The following EYA3 variants were observed in gnomAD, a reference collection of about 807,000 sequenced individuals.
EYA3 encodes the protein protein phosphatase EYA3.
In EYA3, 39 loss-of-function variants were observed where a neutral mutation model predicts 80.0. That is an observed-to-expected ratio of 0.49 (90% CI 0.38 to 0.64). The LOEUF is 0.64. Among genes scored for constraint, EYA3 ranks in the 30% least tolerant of loss-of-function variants. The pLI, the probability that EYA3 is intolerant of heterozygous loss-of-function variation, is 0.00. For missense variants in EYA3, 523 were observed against 676.1 expected, an observed-to-expected ratio of 0.77 and a Z score of 2.51; for synonymous variants, 206 against 232.8, an observed-to-expected ratio of 0.88 and a Z score of 1.05.
At chr1:28,078,944 T>C (rs1255546875) in intron 1 of EYA3, among the ~76,000 whole-genome samples, 1 of 152,218 alleles carries the variant, frequency 6.6e-6, no homozygotes, top group Non-Finnish European at 1.5e-5. Context: ...TGGTGATATT[T>C]AAAAGCTGAC....
intron 3 of EYA3, among the ~76,000 whole-genome samples, chr1:28,043,451 C>G (rs1490984013): frequency 6.6e-6 from 1 of 152,008 alleles, no homozygotes; most frequent in Non-Finnish European, 1.5e-5. Flanking sequence ...TTACCTTGCT[C>G]CCAAAGTACC....
intron 7 of EYA3, among the ~76,000 whole-genome samples, chr1:28,022,883 A>C (rs1642536027): frequency 6.6e-6 from 1 of 152,078 alleles, no homozygotes; most frequent in Non-Finnish European, 1.5e-5. Context: ...CACTTGGCTA[A>C]TTTTTATATT....
At chr1:28,050,421 C>T (rs1032003770) in intron 2 of EYA3, among the ~76,000 whole-genome samples, 3 of 151,874 alleles carry the variant, frequency 2.0e-5, no homozygotes, top group African/African-American at 4.8e-5. Context: ...AGGATGGTTT[C>T]GAACTCCTGG....
rs6683680 is a variant in EYA3, at chr1:28,013,829, A to G, written c.586-535T>C. On this transcript the variant is annotated intron_variant, in intron 8 of 17. Coordinates refer to ENST00000373871, the MANE Select transcript of EYA3 (RefSeq NM_001990.4). The surrounding 1 kb of genome is among the most constrained non-coding windows in gnomAD (Gnocchi z 4.0). ...TGTAATCTCAGCACTTTGGAAGGCC[A>G]AGATGGGTGGATCACTTGAGGTCAG... 0.26 allele frequency among the ~76,000 whole-genome samples: 39,605 copies of G among 152,144 alleles called. 5,218 individuals are homozygous for G. The highest frequency in any genetic ancestry group is 0.28 in the Non-Finnish European group (19,037 of 67,978).
intron 7 of EYA3, among the ~76,000 whole-genome samples, chr1:28,027,523 G>A (rs1033467330): frequency 2.6e-5 from 4 of 152,046 alleles, no homozygotes; most frequent in South Asian, 2.1e-4. Flanking sequence ...AAATCAAGGC[G>A]TTTTCTGGAC....
chr1:28,070,140 A>G (rs1644971132), intron 1 of EYA3, among the ~76,000 whole-genome samples: 1 of 152,212 alleles, frequency 6.6e-6, no homozygotes, highest in South Asian at 2.1e-4. Flanking sequence ...AGAAACTAAT[A>G]CAAATAGCAA....
Position 28,011,011 on chromosome 1 carries a change from A to C in EYA3, c.845T>G (p.Met282Arg), listed in dbSNP as rs574158525. ...KDTDDQSRKNMTSKNRGKRKA... is the reference protein window; with the variant it reads ...KDTDDQSRKNRTSKNRGKRKA... The stretch of plus-strand genomic sequence containing the variant: ...CCTCTTGCCCCGGTTCTTGCTAGTC[A>C]TGTTTTTCCTGGACTGATCATCAGT... Residue 282 changes from methionine (M) to arginine (R), a missense_variant, in exon 10 of 18, where the codon ATG (methionine) becomes AGG (arginine). Met to Arg is a moderately conservative substitution (Grantham distance 91). Transcript: ENST00000373871. The C allele has an allele frequency of 6.2e-6, 10 of 1,614,104 alleles. No homozygotes were observed. Among genetic ancestry groups the C allele is most frequent in the Non-Finnish European group, 8.5e-6 (10 of 1,180,010 alleles).
At chr1:28,034,813 C>T (rs1464730476) in intron 6 of EYA3, among the ~76,000 whole-genome samples, 1 of 152,074 alleles carries the variant, frequency 6.6e-6, no homozygotes, top group Non-Finnish European at 1.5e-5. Flanking sequence ...TTACATATTA[C>T]ATATTTTTAA....
chr1:28,010,262 T>C (rs1445045228), intron 10 of EYA3, among the ~76,000 whole-genome samples: 1 of 152,236 alleles, frequency 6.6e-6, no homozygotes, highest in East Asian at 1.9e-4. Flanking sequence ...TGAAGTCAAA[T>C]GTATGTCCAT....
chr1:28,019,605 C>A lies in EYA3; in HGVS notation c.500-2366G>T, dbSNP rs1469820020. 1.3e-5 allele frequency among the ~76,000 whole-genome samples: 2 copies of A among 152,178 alleles called. 1 individual carries two copies. The highest frequency in any genetic ancestry group is 4.1e-4 in the South Asian group (2 of 4,830). On this transcript the variant is annotated intron_variant, in intron 7 of 17. Coordinates refer to ENST00000373871, the MANE Select transcript of EYA3 (RefSeq NM_001990.4). ...TGATTTAATCATTTATCTTCCCCAG[C>A]AAGTCCATTTTTAGTTCAGTTTTCT... is the stretch of plus-strand genomic sequence containing the variant.
intron 9 of EYA3, 37 bp from the exon 10 acceptor site, chr1:28,011,123 C>CA: frequency 6.3e-7 from 1 of 1,599,856 alleles, no homozygotes; most frequent in Non-Finnish European, 8.5e-7. Context: ...TGTCAGGAGT[C>CA]ACAGGCTATA....
intron 12 of EYA3, 74 bp downstream of exon 12, chr1:27,999,886 T>C (rs1640710393): frequency 8.8e-7 from 1 of 1,141,788 alleles, no homozygotes; most frequent in African/African-American, 1.6e-5. Context: ...TCTTCTAATA[T>C]AATAAGCAAA....
chr1:27,993,216 A>G (rs1640196258), intron 14 of EYA3, among the ~76,000 whole-genome samples, 184 bp downstream of exon 14: 1 of 152,184 alleles, frequency 6.6e-6, no homozygotes, highest in African/African-American at 2.4e-5. Context: ...GAAGCCCGTT[A>G]GAAATATAGA....
chr1:27,987,718 G>A (rs932133287), intron 16 of EYA3, among the ~76,000 whole-genome samples: 47 of 152,142 alleles, frequency 3.1e-4, no homozygotes, highest in African/African-American at 1.0e-3. Flanking sequence ...ACGGAGTCTC[G>A]CTCTGTCACC....
At chr1:28,058,277 T>C (rs1644501876) in intron 1 of EYA3, among the ~76,000 whole-genome samples, 183 bp from the exon 2 acceptor site, 1 of 152,172 alleles carries the variant, frequency 6.6e-6, no homozygotes, top group African/African-American at 2.4e-5. Context: ...AAGAGAGGTG[T>C]ACACAATGAC....
Position 28,000,049 on chromosome 1 carries a change from C to T in EYA3, c.994G>A (p.Asp332Asn). 6.3e-7 allele frequency: 1 copy of T among 1,595,898 alleles called. No individual in the cohort carries two copies. The highest frequency in any genetic ancestry group is 8.5e-7 in the Non-Finnish European group (1 of 1,171,976). The change falls in exon 12 of 18, where the codon GAC becomes AAC. Residue 332 changes from aspartate (D) to asparagine (N), a missense_variant and splice_region_variant. Around this residue, in one of 2 missense-constraint regions of EYA3, gnomAD observed 219 missense variants for 332.8 expected, o/e 0.66. Transcript: ENST00000373871. Reference sequence around the variant, plus strand: ...CCTGAGCCAATCACTACTGTTGGGTCCTAGAAGACAATAAGAAAAAATCAG... The same window carrying T: ...CCTGAGCCAATCACTACTGTTGGGTTCTAGAAGACAATAAGAAAAAATCAG... ...TGSYAQKYGKDPTVVIGSGLT... is the reference protein window; with the variant it reads ...TGSYAQKYGKNPTVVIGSGLT...
intron 7 of EYA3, among the ~76,000 whole-genome samples, chr1:28,026,965 A>G (rs1258725079): frequency 6.6e-6 from 1 of 152,160 alleles, no homozygotes; most frequent in African/African-American, 2.4e-5. Flanking sequence ...ACTTTTTTTC[A>G]TCACCAAAGT....
intron 14 of EYA3, chr1:27,990,048 C>G (rs1639940214): frequency 4.9e-6 from 1 of 203,826 alleles, no homozygotes; most frequent in African/African-American, 2.3e-5. Flanking sequence ...GTCAAAAGGG[C>G]AGGACCAACA....
rs1372261115 is a variant in EYA3, at chr1:27,993,517, T to C, written c.1186A>G (p.Ser396Gly). ...CCCACAGATGAACCATGGCTGCCAC[T>C]ACCTCCTGAGCCACTGAAACCATCT... Reference protein sequence around the residue: ...STDGFSGSGGSGSHGSSVGVQ... With the variant: ...STDGFSGSGGGGSHGSSVGVQ... The change falls in exon 14 of 18, where the codon AGT (serine) becomes GGT (glycine). Residue 396 changes from serine (S) to glycine (G), a missense_variant. By Grantham distance (56) the Ser-to-Gly change is moderately conservative (BLOSUM62 0). Transcript: ENST00000373871. 1.2e-6 allele frequency: 2 copies of C among 1,612,136 alleles called. No individual in the cohort carries two copies. The highest frequency in any genetic ancestry group is 1.7e-5 in the Admixed American group (1 of 59,324).
Sources: allele counts gnomAD v4.1 joint callset (sites outside exome capture counted in the v4.1 genomes callset), GRCh38; gene constraint gnomAD v4.1.1; regional missense constraint gnomAD v4.1.1; non-coding constraint Gnocchi (gnomAD v3.1); transcripts MANE v1.5; gene names NCBI Gene and HGNC (gene_info 2026-07-23, HGNC 2026-07-21).